Variants in PARM1 observed in about 807,000 individuals in gnomAD.
The protein encoded by PARM1 is WSC4, cell wall integrity and stress response component 4 homolog.
A neutral mutation model predicts 24.6 loss-of-function variants in PARM1; 14 were observed. That is an observed-to-expected ratio of 0.57 (90% CI 0.38 to 0.89). The LOEUF (loss-of-function observed/expected upper bound fraction) is 0.89, where lower values mean the gene tolerates loss of function less well. Among genes scored for constraint, PARM1 ranks in the 40% least tolerant of loss-of-function variants. PARM1 has a pLI of 0.00. For missense variants in PARM1, 362 were observed against 380.4 expected, an observed-to-expected ratio of 0.95 and a Z score of 0.40; for synonymous variants, 179 against 156.6, an observed-to-expected ratio of 1.14 and a Z score of -1.07.
intron 1 of PARM1, among the ~76,000 whole-genome samples, chr4:74,941,308 G>A (rs1253572786): frequency 6.6e-6 from 1 of 152,126 alleles, no homozygotes; most frequent in African/African-American, 2.4e-5. Flanking sequence ...AATGTTGCTG[G>A]GGGCAGGAAG....
At position 74,939,672 on chromosome 4, in the gene PARM1, C is replaced by CT. The variant is rs536328200; in HGVS notation, c.43+6303dup. Among the ~76,000 whole-genome samples, 12 of 152,070 alleles carry CT rather than the reference C, an allele frequency of 7.9e-5. No homozygotes were observed. In the South Asian group the frequency reaches 2.5e-3, roughly 32 times the overall value. ...TATTGGTATTACTTGGAAGCTGTGG[C>CT]TATATAGAGCCTTAAGCAACATATT... On this transcript the variant is annotated intron_variant, in intron 1 of 3. Transcript: ENST00000307428.
chr4:74,933,439 G>A, intron 1 of PARM1, 69 bp downstream of exon 1: 1 of 1,395,526 alleles, frequency 7.2e-7, no homozygotes, highest in Non-Finnish European at 1.0e-6. Context: ...CGTGGTCGGG[G>A]CTGAAGCTAG....
chr4:74,976,627 A>T (rs1722141610), intron 1 of PARM1, among the ~76,000 whole-genome samples: 1 of 152,196 alleles, frequency 6.6e-6, no homozygotes, highest in Admixed American at 6.5e-5. Flanking sequence ...TGGGTCACTG[A>T]TCTGGTGCCT....
intron 1 of PARM1, among the ~76,000 whole-genome samples, chr4:75,010,600 G>T (rs1041454218): frequency 1.3e-5 from 2 of 151,986 alleles, no homozygotes; most frequent in African/African-American, 4.8e-5. Flanking sequence ...GCTTGTCTGG[G>T]AAGACTCCTT....
chr4:74,942,758 C>A (rs1363070639), intron 1 of PARM1, among the ~76,000 whole-genome samples: 2 of 152,222 alleles, frequency 1.3e-5, no homozygotes, highest in African/African-American at 4.8e-5. Flanking sequence ...CCTCTCAGAT[C>A]TACTTGCTTT....
intron 1 of PARM1, among the ~76,000 whole-genome samples, chr4:75,010,987 G>C (rs1029725399): frequency 3.3e-5 from 5 of 152,306 alleles, no homozygotes; most frequent in African/African-American, 9.6e-5. Flanking sequence ...TTTACTTATG[G>C]TGGAAGGGGA....
intron 2 of PARM1, among the ~76,000 whole-genome samples, chr4:75,015,562 C>A (rs187480464): frequency 1.3e-4 from 20 of 152,312 alleles, no homozygotes; most frequent in African/African-American, 4.8e-4. Context: ...AGTATGAGAC[C>A]TATCCTTTGA....
chr4:74,980,404 A>C (rs900344430), intron 1 of PARM1, among the ~76,000 whole-genome samples: 1 of 152,152 alleles, frequency 6.6e-6, no homozygotes, highest in Non-Finnish European at 1.5e-5. Context: ...GAATACAGTT[A>C]ATAAGGGAAG....
At chr4:74,997,103 C>T (rs1164873874) in intron 1 of PARM1, among the ~76,000 whole-genome samples, 5 of 152,186 alleles carry the variant, frequency 3.3e-5, no homozygotes, top group South Asian at 2.1e-4. Flanking sequence ...TGTGCTTCCT[C>T]CTGCAGAGAC....
At chr4:75,005,782 C>G (rs113720361) in intron 1 of PARM1, among the ~76,000 whole-genome samples, 7 of 152,330 alleles carry the variant, frequency 4.6e-5, no homozygotes, top group African/African-American at 1.4e-4. Context: ...GCTATTCTTG[C>G]AGCAAAAAAG....
intron 1 of PARM1, among the ~76,000 whole-genome samples, chr4:74,945,058 C>G (rs1203034952): frequency 6.6e-6 from 1 of 152,068 alleles, no homozygotes; most frequent in Non-Finnish European, 1.5e-5. Flanking sequence ...TATTAGGCAA[C>G]TGCTTAAAAT....
intron 3 of PARM1, among the ~76,000 whole-genome samples, chr4:75,042,846 A>G (rs1011563035): frequency 6.6e-6 from 1 of 151,708 alleles, no homozygotes; most frequent in Non-Finnish European, 1.5e-5. Context: ...AATAAGCCCT[A>G]TGGGTTCAGT....
intron 1 of PARM1, among the ~76,000 whole-genome samples, chr4:74,951,304 G>A (rs1368354886): frequency 3.9e-5 from 6 of 152,190 alleles, no homozygotes; most frequent in Admixed American, 2.6e-4. Context: ...GTAAAGTCAG[G>A]AAGAGTATAG....
chr4:74,987,965 A>C (rs572112701), intron 1 of PARM1, among the ~76,000 whole-genome samples: 28 of 152,332 alleles, frequency 1.8e-4, no homozygotes, highest in African/African-American at 6.7e-4. Context: ...ACTGTGTGTC[A>C]TGTGAGGCCC....
intron 1 of PARM1, among the ~76,000 whole-genome samples, chr4:74,945,205 G>T (rs1721387879): frequency 6.6e-6 from 1 of 152,178 alleles, no homozygotes; most frequent in Admixed American, 6.5e-5. Flanking sequence ...TGGAGAAAGG[G>T]TTTAGAAGGA....
At chr4:75,041,578 C>T (rs190176822) in intron 3 of PARM1, among the ~76,000 whole-genome samples, 114 of 152,196 alleles carry the variant, frequency 7.5e-4, no homozygotes, top group African/African-American at 2.5e-3. Context: ...TTTGTTTCAA[C>T]GCAAGAAAAG....
Position 74,998,757 on chromosome 4 carries a change from C to A in PARM1, c.44-13668C>A, listed in dbSNP as rs181311803. On this transcript the variant is annotated intron_variant, in intron 1 of 3. Coordinates refer to ENST00000307428, the MANE Select transcript of PARM1 (RefSeq NM_015393.4). ...ACTAATCTCCCAATAATTGACTTCC[C>A]TTCTCTAGCCCCCTTTCTTTATTCA... Among the ~76,000 whole-genome samples, 508 of 152,324 alleles carry A rather than the reference C, an allele frequency of 3.3e-3. 6 individuals are homozygous for A. The highest frequency in any genetic ancestry group is 0.011 in the African/African-American group (473 of 41,562).
chr4:75,017,404 C>T (rs184344049), intron 2 of PARM1, among the ~76,000 whole-genome samples: 52 of 152,282 alleles, frequency 3.4e-4, no homozygotes, highest in Admixed American at 2.7e-3. Context: ...ACTGGAGATA[C>T]TCCTGTCTCA....
intron 2 of PARM1, among the ~76,000 whole-genome samples, chr4:75,017,893 A>T (rs1723017399): frequency 6.6e-6 from 1 of 152,256 alleles, no homozygotes; most frequent in Admixed American, 6.5e-5. Flanking sequence ...GGATAGGGAT[A>T]GTATTCACAT....
Sources: allele counts gnomAD v4.1 joint callset (sites outside exome capture counted in the v4.1 genomes callset), GRCh38; gene constraint gnomAD v4.1.1; transcripts MANE v1.5; gene names NCBI Gene and HGNC (gene_info 2026-07-23, HGNC 2026-07-21).